Variants in TAS2R1 observed in about 807,000 individuals in gnomAD.
TAS2R1 encodes taste 2 receptor member 1.
For missense variants in TAS2R1, 370 were observed against 353.4 expected, an observed-to-expected ratio of 1.05 and a Z score of -0.38; for synonymous variants, 141 against 134.2, an observed-to-expected ratio of 1.05 and a Z score of -0.35.
Position 9,629,086 on chromosome 5 carries a change from G to C in TAS2R1, c.*47C>G. On this transcript the variant is annotated 3_prime_UTR_variant, in exon 1 of 1. Coordinates refer to ENST00000382492, the MANE Select transcript of TAS2R1 (RefSeq NM_019599.3). Reference sequence around the variant, plus strand: ...GGCTGAGGGAAGTGTGGCAGGCATGGGTAAATCATTGAATCATGGGTTCTT... The same window carrying C: ...GGCTGAGGGAAGTGTGGCAGGCATGCGTAAATCATTGAATCATGGGTTCTT... 3 of 1,497,674 alleles carry C rather than the reference G, an allele frequency of 2.0e-6. No individual in the cohort carries two copies. The highest frequency in any genetic ancestry group is 2.7e-6 in the Non-Finnish European group (3 of 1,124,434). The allele number at this position is 1,497,674 out of a possible 1,614,324, so 92.8% of individuals were successfully genotyped here. A position where few individuals can be genotyped will look rare whatever the true frequency, so the allele number is the denominator to read the frequency against.
At chr5:9,876,856 C>T in the TAS2R1 span, among the ~76,000 whole-genome samples, 138,281 of 152,246 alleles carry the variant, frequency 0.91, 62,948 homozygotes, top group Non-Finnish European at 0.94. Context: ...TTACAAAGAA[C>T]ATTCCTTGTC....
intron 1 of TAS2R1, among the ~76,000 whole-genome samples, chr5:9,711,943 G>A (rs1734687286): frequency 6.7e-6 from 1 of 150,128 alleles, no homozygotes; most frequent in Admixed American, 6.6e-5. Context: ...TGGGATTACA[G>A]GCATGAGCCA....
intron 2 of TAS2R1, among the ~76,000 whole-genome samples, chr5:9,655,796 TAAAAC>T (rs764514989): frequency 4.0e-5 from 6 of 151,394 alleles, no homozygotes; most frequent in Admixed American, 6.6e-5. Flanking sequence ...AAATACAAAT[TAAAAC>T]AACTACATAC....
rs556900374 is a variant in TAS2R1, at chr5:9,705,606, C to T, written c.-242+6566G>A. Among the ~76,000 whole-genome samples, 54 of 152,148 alleles carry T rather than the reference C, an allele frequency of 3.5e-4. No homozygotes were observed. The South Asian group carries it at 8.1e-3, about 23-fold the overall frequency. On this transcript the variant is annotated intron_variant, in intron 1 of 2. Coordinates refer to the TAS2R1 transcript ENST00000506620. ...AAGCACGGTGGTTCACGCCTGTAAT[C>T]GCAGCACTTTGGAAGGCTGAGGTGG...
chr5:9,854,885 G>A, the TAS2R1 span, among the ~76,000 whole-genome samples: 60 of 152,318 alleles, frequency 3.9e-4, no homozygotes, highest in African/African-American at 1.3e-3. Flanking sequence ...AAAGATTTGA[G>A]TTGCCATTTT....
chr5:9,861,717 T>C, the TAS2R1 span, among the ~76,000 whole-genome samples: 1 of 152,198 alleles, frequency 6.6e-6, no homozygotes, highest in African/African-American at 2.4e-5. Flanking sequence ...AAGTCTCCCC[T>C]TGCATGTCCT....
At chr5:9,697,597 A>C (rs1741385692) in intron 1 of TAS2R1, among the ~76,000 whole-genome samples, 1 of 152,226 alleles carries the variant, frequency 6.6e-6, no homozygotes, top group South Asian at 2.1e-4. Flanking sequence ...TATTAATGCA[A>C]GACTAGTTTA....
At chr5:9,658,015 C>G (rs1011095428) in intron 2 of TAS2R1, among the ~76,000 whole-genome samples, 1 of 152,198 alleles carries the variant, frequency 6.6e-6, no homozygotes, top group Admixed American at 6.5e-5. Flanking sequence ...GTGGCTCAGT[C>G]TTCCTGCCAA....
chr5:9,661,169 C>A (rs750212269), intron 1 of TAS2R1, among the ~76,000 whole-genome samples: 1 of 152,146 alleles, frequency 6.6e-6, no homozygotes, highest in Non-Finnish European at 1.5e-5. Flanking sequence ...CAGTTTTCAT[C>A]CAAGTTATAC....
chr5:9,848,749 T>A, the TAS2R1 span, among the ~76,000 whole-genome samples: 1 of 152,118 alleles, frequency 6.6e-6, no homozygotes, highest in South Asian at 2.1e-4. Context: ...TTAATAAAGT[T>A]GGGGAGATAT....
At chr5:9,699,285 A>C (rs905673872) in intron 1 of TAS2R1, among the ~76,000 whole-genome samples, 5 of 152,262 alleles carry the variant, frequency 3.3e-5, no homozygotes, top group African/African-American at 1.2e-4. Flanking sequence ...TTAACTCTGC[A>C]CACCAAAAAT....
the TAS2R1 span, among the ~76,000 whole-genome samples, chr5:9,842,641 A>C: frequency 2.6e-5 from 4 of 152,098 alleles, no homozygotes. Flanking sequence ...CTTTTGAAGC[A>C]GCTCAATCCA....
the TAS2R1 span, among the ~76,000 whole-genome samples, chr5:9,761,670 T>C: frequency 2.7e-4 from 41 of 152,204 alleles, no homozygotes; most frequent in African/African-American, 9.7e-4. Context: ...TGCTCAGTTA[T>C]CCAGCAGGCT....
Position 9,641,097 on chromosome 5 carries a change from G to T in TAS2R1, c.-80-11105C>A, listed in dbSNP as rs575658411. ...AGTGAAAAAAAAAAGTTCACATCCT[G>T]AGTCTAGGATAGCAATACAGTTTTT... On this transcript the variant is annotated intron_variant, in intron 2 of 2. Coordinates refer to the TAS2R1 transcript ENST00000506620. Among the ~76,000 whole-genome samples the T allele has an allele frequency of 9.2e-5, 14 of 152,248 alleles. 1 individual carries two copies. In the South Asian group the frequency reaches 2.9e-3, roughly 32 times the overall value.
chr5:9,791,451 C>A, the TAS2R1 span, among the ~76,000 whole-genome samples: 5 of 152,218 alleles, frequency 3.3e-5, no homozygotes, highest in Non-Finnish European at 7.3e-5. Context: ...GTGGTCCCGG[C>A]ACTTTGGGAG....
At chr5:9,780,518 A>T in the TAS2R1 span, among the ~76,000 whole-genome samples, 5 of 152,318 alleles carry the variant, frequency 3.3e-5, no homozygotes, top group Admixed American at 3.3e-4. Context: ...CTTCTTCTCC[A>T]TCTCCACGTC....
the TAS2R1 span, among the ~76,000 whole-genome samples, chr5:9,776,969 G>A: frequency 1.4e-4 from 21 of 152,274 alleles, no homozygotes; most frequent in African/African-American, 4.8e-4. Context: ...TTTAAAAAAT[G>A]TACATACAGT....
the TAS2R1 span, among the ~76,000 whole-genome samples, chr5:9,775,173 C>T: frequency 6.6e-6 from 1 of 152,128 alleles, no homozygotes; most frequent in Non-Finnish European, 1.5e-5. Flanking sequence ...TCCTGCCCTC[C>T]CCTTTCTGCA....
the TAS2R1 span, among the ~76,000 whole-genome samples, chr5:9,893,757 A>C: frequency 6.6e-6 from 1 of 152,084 alleles, no homozygotes; most frequent in Non-Finnish European, 1.5e-5. Context: ...TACTTTGCAG[A>C]AACAACATAG....
Sources: allele counts gnomAD v4.1 joint callset (sites outside exome capture counted in the v4.1 genomes callset), GRCh38; gene constraint gnomAD v4.1.1; transcripts MANE v1.5; gene names NCBI Gene and HGNC (gene_info 2026-07-23, HGNC 2026-07-21).